Variants in PAX5 observed in about 807,000 individuals in gnomAD.
PAX5 encodes paired box 5.
A neutral mutation model predicts 43.7 loss-of-function variants in PAX5; 9 were observed. That is an observed-to-expected ratio of 0.21 (90% CI 0.12 to 0.36). PAX5 has a LOEUF of 0.36. Among genes scored for constraint, PAX5 ranks in the 10% least tolerant of loss-of-function variants. The pLI, the probability that PAX5 is intolerant of heterozygous loss-of-function variation, is 1.00. For missense variants in PAX5, 383 were observed against 532.7 expected (o/e 0.72, Z 2.77); for synonymous variants, 228 against 214.3 (o/e 1.06, Z -0.56).
intron 1 of PAX5, among the ~76,000 whole-genome samples, chr9:37,030,034 G>A (rs895534386): frequency 6.6e-6 from 1 of 152,180 alleles, no homozygotes; most frequent in African/African-American, 2.4e-5. Flanking sequence ...GTTTTCCTTC[G>A]GATACCCGTG....
chr9:36,894,797 G>A (rs1587897212), intron 7 of PAX5, among the ~76,000 whole-genome samples: 1 of 152,206 alleles, frequency 6.6e-6, no homozygotes, highest in Non-Finnish European at 1.5e-5. Flanking sequence ...AAGCCAGATT[G>A]GGCTTGGAAA....
intron 7 of PAX5, among the ~76,000 whole-genome samples, chr9:36,893,807 G>A (rs1220082077): frequency 2.6e-5 from 4 of 152,218 alleles, no homozygotes; most frequent in Admixed American, 6.5e-5. Context: ...CTGTATCGGC[G>A]AGGTTCAGTA....
At chr9:36,856,470 T>G (rs1193184816) in intron 8 of PAX5, 2 of 152,204 alleles carry the variant, frequency 1.3e-5, no homozygotes, top group Non-Finnish European at 2.9e-5. Flanking sequence ...CAGCACTCAG[T>G]TCGGCTCACT....
intron 7 of PAX5, among the ~76,000 whole-genome samples, chr9:36,905,679 G>A (rs1039971831): frequency 1.3e-5 from 2 of 152,182 alleles, no homozygotes; most frequent in Non-Finnish European, 2.9e-5. Flanking sequence ...ATAGAGGGCA[G>A]TGGATCAACC....
chr9:36,990,106 G>A (rs999836857), intron 5 of PAX5, among the ~76,000 whole-genome samples: 6 of 152,190 alleles, frequency 3.9e-5, no homozygotes, highest in Non-Finnish European at 7.3e-5. Flanking sequence ...TAGGGTGAGG[G>A]AGGAAGACAG....
intron 5 of PAX5, among the ~76,000 whole-genome samples, chr9:36,984,899 A>G (rs1836266717): frequency 6.6e-6 from 1 of 152,236 alleles, no homozygotes; most frequent in African/African-American, 2.4e-5. Context: ...TGGTCACACT[A>G]TAAAGCCAAA....
chr9:36,935,469 C>T (rs1334807052), intron 6 of PAX5, among the ~76,000 whole-genome samples: 1 of 152,124 alleles, frequency 6.6e-6, no homozygotes, highest in Non-Finnish European at 1.5e-5. Flanking sequence ...GACTCATCTC[C>T]CCCTGTTCTG....
intron 6 of PAX5, among the ~76,000 whole-genome samples, chr9:36,937,266 A>G (rs1258317278): frequency 6.6e-6 from 1 of 152,206 alleles, no homozygotes; most frequent in East Asian, 1.9e-4. Flanking sequence ...GGTAAGTATT[A>G]CTACCCTCCC....
In PAX5 at chr9:36,923,504, C is replaced by T. The variant is rs775448998; in HGVS notation, c.781-20G>A. The T allele has an allele frequency of 2.1e-5, 33 of 1,598,576 alleles. No individual in the cohort carries two copies. The highest frequency in any genetic ancestry group is 1.6e-4 in the Middle Eastern group (1 of 6,064). ...TGTGGTCTGAAAGAAGAAACAGAGA[C>T]GTCTCAGCACCAAGACTCCACAGTA... On this transcript the variant is annotated intron_variant, in intron 6 of 9. Coordinates refer to ENST00000358127, the MANE Select transcript of PAX5 (RefSeq NM_016734.3).
chr9:36,916,966 C>T (rs10758414), intron 7 of PAX5, among the ~76,000 whole-genome samples: 37,850 of 151,568 alleles, frequency 0.25, 5,438 homozygotes, highest in East Asian at 0.5. Context: ...ATTACAGGCG[C>T]GAGCCACTGC....
intron 8 of PAX5, among the ~76,000 whole-genome samples, chr9:36,850,583 A>G (rs1392078487): frequency 6.6e-6 from 1 of 152,144 alleles, no homozygotes; most frequent in Non-Finnish European, 1.5e-5. Flanking sequence ...GCCTCCTTCT[A>G]ACTGACCCAC....
rs542418806 is a variant in PAX5 at position 37,015,810 on chromosome 9, C to T, written c.213-616G>A. Among the ~76,000 whole-genome samples the T allele has an allele frequency of 6.6e-6, 1 of 152,204 alleles. No homozygotes were observed. Among genetic ancestry groups the T allele is most frequent in the East Asian group, 1.9e-4 (1 of 5,182 alleles). On this transcript the variant is annotated intron_variant, in intron 2 of 9. Coordinates refer to ENST00000358127, the MANE Select transcript of PAX5 (RefSeq NM_016734.3). The surrounding 1 kb of genome is among the most constrained non-coding windows in gnomAD (Gnocchi z 4.4). The stretch of plus-strand genomic sequence containing the variant: ...AGTCAGGCTGGTCTCGAACTCCCGA[C>T]CTCAGGTTATCCGCCTGCCTCGGCC...
chr9:36,960,250 G>A (rs767380379), intron 6 of PAX5, among the ~76,000 whole-genome samples: 26 of 152,194 alleles, frequency 1.7e-4, no homozygotes, highest in Non-Finnish European at 3.7e-4. Context: ...AATTAAGAAA[G>A]TAATAACTGT....
At chr9:36,883,350 G>A (rs985037061) in intron 7 of PAX5, among the ~76,000 whole-genome samples, 2 of 152,244 alleles carry the variant, frequency 1.3e-5, no homozygotes, top group Middle Eastern at 3.4e-3. Context: ...ATGAACCCAG[G>A]GAAAGAAGGA....
intron 6 of PAX5, among the ~76,000 whole-genome samples, chr9:36,955,782 AATATAT>A (rs10593538): frequency 1.5e-5 from 2 of 132,526 alleles, no homozygotes; most frequent in Admixed American, 7.2e-5. Flanking sequence ...AAAAAAAAAA[AATATAT>A]ATATATATAT....
intron 8 of PAX5, among the ~76,000 whole-genome samples, chr9:36,878,818 G>A (rs1826145875): frequency 6.6e-6 from 1 of 152,226 alleles, no homozygotes; most frequent in Admixed American, 6.5e-5. Context: ...ACCCTGTTTG[G>A]CCATTGAGAA....
At chr9:36,948,281 G>A (rs1277904834) in intron 6 of PAX5, among the ~76,000 whole-genome samples, 3 of 152,174 alleles carry the variant, frequency 2.0e-5, no homozygotes, top group Admixed American at 6.5e-5. Context: ...TGGGAGCGGC[G>A]AGTGTCCCTG....
intron 5 of PAX5, among the ~76,000 whole-genome samples, chr9:36,981,440 A>C (rs1835930703): frequency 6.6e-6 from 1 of 150,424 alleles, no homozygotes; most frequent in Non-Finnish European, 1.5e-5. Flanking sequence ...CTGGCAAAAA[A>C]AAAAAAACAA....
chr9:36,971,735 G>T (rs1254620340), intron 5 of PAX5, among the ~76,000 whole-genome samples: 1 of 152,230 alleles, frequency 6.6e-6, no homozygotes, highest in Non-Finnish European at 1.5e-5. Flanking sequence ...GGAGCAAGGG[G>T]CAGGAAGCCC....
Sources: gnomAD v4.1 joint callset for allele counts (sites outside exome capture counted in the v4.1 genomes callset) on GRCh38, gnomAD v4.1.1 for gene constraint, Gnocchi (gnomAD v3.1) non-coding constraint, MANE v1.5 for transcripts, NCBI Gene and HGNC (gene_info 2026-07-23, HGNC 2026-07-21) for gene names.